The following RBM33 variants were observed in gnomAD, a reference collection of about 807,000 sequenced individuals.
RBM33 encodes RNA binding motif protein 33, also known as RNA-binding protein 33.
A neutral mutation model predicts 132.6 loss-of-function variants in RBM33; 28 were observed. The ratio of observed to expected loss-of-function variants is 0.21; its 90% confidence interval spans 0.16 to 0.29. RBM33 has a LOEUF of 0.29. Ranked by LOEUF, RBM33 falls within the 10% of genes least tolerant of loss-of-function variation. The pLI is 1.00. For missense variants in RBM33, 1,291 were observed against 1,518.5 expected (o/e 0.85, Z 2.49); for synonymous variants, 634 against 593.0 (o/e 1.07, Z -1.01).
rs759755140 is a variant in RBM33, at chr7:155,744,995, G to A, written c.2372G>A (p.Arg791His). 5 of 1,596,124 alleles carry A rather than the reference G, an allele frequency of 3.1e-6. No individual in the cohort carries two copies. Among genetic ancestry groups the A allele is most frequent in the Admixed American group, 1.8e-5 (1 of 55,212 alleles). ...GAAGATGAGGAAACAAGGTTATATC[G>A]CTTAAAGATAGAAGAACAGAAACGC... is the stretch of plus-strand genomic sequence containing the variant. ...PDEDEETRLY[R>H]LKIEEQKRLR... Residue 791 changes from arginine (R) to histidine (H), a missense_variant, in exon 14 of 18, where the codon CGC becomes CAC. This residue lies in a region of RBM33 where 841 missense variants were observed against 912.0 expected (regional missense o/e 0.92). Transcript: ENST00000401878.
chr7:155,644,971 G>A (rs545608665), intron 1 of RBM33, 52 bp downstream of exon 1: 2 of 1,408,946 alleles, frequency 1.4e-6, no homozygotes, highest in East Asian at 3.0e-5. Flanking sequence ...CGGTGGGCGG[G>A]GGTGTAGGCC....
chr7:155,655,901 A>G (rs1326160532), intron 1 of RBM33, among the ~76,000 whole-genome samples: 1 of 152,164 alleles, frequency 6.6e-6, no homozygotes, highest in Non-Finnish European at 1.5e-5. Flanking sequence ...AAAAATAAAA[A>G]TAAAAAAAGG....
intron 16 of RBM33, among the ~76,000 whole-genome samples, chr7:155,770,320 C>T (rs144270187): frequency 2.0e-5 from 3 of 152,314 alleles, no homozygotes; most frequent in East Asian, 1.9e-4. Flanking sequence ...AGGCTTCAGG[C>T]GCCCTATTTC....
intron 8 of RBM33, among the ~76,000 whole-genome samples, chr7:155,714,771 A>C (rs1307275284): frequency 6.6e-6 from 1 of 152,166 alleles, no homozygotes; most frequent in African/African-American, 2.4e-5. Flanking sequence ...AAGTTTCAGA[A>C]GTGGAGAGTA....
intron 1 of RBM33, among the ~76,000 whole-genome samples, chr7:155,655,995 C>CA: frequency 6.6e-6 from 1 of 152,208 alleles, no homozygotes; most frequent in Admixed American, 6.5e-5. Context: ...GGACAATTGA[C>CA]AGACTGTGGT....
intron 9 of RBM33, among the ~76,000 whole-genome samples, chr7:155,727,086 C>A (rs553540173): frequency 6.6e-6 from 1 of 152,306 alleles, no homozygotes; most frequent in African/African-American, 2.4e-5. Context: ...TTAACAGTGA[C>A]TGTTGTATTT....
At chr7:155,697,688 C>T (rs1267470717) in intron 5 of RBM33, among the ~76,000 whole-genome samples, 2 of 152,094 alleles carry the variant, frequency 1.3e-5, no homozygotes, top group African/African-American at 2.4e-5. Context: ...TGAGATCATA[C>T]TTTCATTTCA....
At chr7:155,698,495 A>G (rs1799863279) in intron 5 of RBM33, among the ~76,000 whole-genome samples, 1 of 152,232 alleles carries the variant, frequency 6.6e-6, no homozygotes, top group Non-Finnish European at 1.5e-5. Context: ...AATTAAGTCT[A>G]GCTTAGTGGA....
In RBM33 at chr7:155,644,781, T is replaced by C. The variant is rs7786826; in HGVS notation, c.-96T>C. 868,891 of 1,083,482 alleles carry C rather than the reference T, an allele frequency of 0.8. 349,973 individuals carry two copies. The highest frequency in any genetic ancestry group is 0.93 in the African/African-American group (56,164 of 60,360). The allele number at this position is 1,083,482 out of a possible 1,614,324, so 67.1% of individuals were successfully genotyped here. On this transcript the variant is annotated 5_prime_UTR_variant, in exon 1 of 18. Coordinates refer to ENST00000401878, the MANE Select transcript of RBM33 (RefSeq NM_053043.3). ...CTGCCTCCTGCAGCCCCCTCCCTTC[T>C]CTGTCCTCCGTCACCCGTACCCGGG... is the stretch of plus-strand genomic sequence containing the variant.
In RBM33 at chr7:155,658,384, AT is replaced by A. The variant is rs71303950; in HGVS notation, c.44-6770del. Among the ~76,000 whole-genome samples, 452 of 122,876 alleles carry A rather than the reference AT, an allele frequency of 3.7e-3. 2 individuals are homozygous for A. Among genetic ancestry groups the A allele is most frequent in the African/African-American group, 0.011 (349 of 31,494 alleles). The allele number at this position is 122,876 out of a possible 152,430, so 80.6% of individuals were successfully genotyped here. ...TCTCTAATAGGCAGCATATAGTTGG[AT>A]TTTTTTTTTTTTTTTTTTTTGAGAC... On this transcript the variant is annotated intron_variant, in intron 1 of 17. Coordinates refer to ENST00000401878, the MANE Select transcript of RBM33 (RefSeq NM_053043.3).
chr7:155,680,072 A>G (rs1799295577), intron 4 of RBM33, among the ~76,000 whole-genome samples: 1 of 152,078 alleles, frequency 6.6e-6, no homozygotes, highest in Non-Finnish European at 1.5e-5. Context: ...TAATATTTTG[A>G]TTTTCTTAAA....
In RBM33 at chr7:155,712,046, G is replaced by A. The variant is rs181838599; in HGVS notation, c.1201+591G>A. On this transcript the variant is annotated intron_variant, in intron 8 of 17. Coordinates refer to ENST00000401878, the MANE Select transcript of RBM33 (RefSeq NM_053043.3). ...TGTGTATCTCTTATTGTATAATTGA[G>A]TGGAAAGTGCTGAGAGTACAGTCTG... Among the ~76,000 whole-genome samples the A allele has an allele frequency of 5.7e-3, 869 of 152,316 alleles. 8 individuals are homozygous for A. Among genetic ancestry groups the A allele is most frequent in the Non-Finnish European group, 6.0e-3 (408 of 68,026 alleles).
At chr7:155,737,767 T>G in intron 10 of RBM33, 105 bp downstream of exon 10, 1 of 1,282,208 alleles carries the variant, frequency 7.8e-7, no homozygotes, top group Non-Finnish European at 1.1e-6. Context: ...GTTGGAGATG[T>G]TAGGAATGCC....
intron 14 of RBM33, among the ~76,000 whole-genome samples, chr7:155,758,648 G>T (rs1001590402): frequency 6.6e-6 from 1 of 151,114 alleles, no homozygotes; most frequent in African/African-American, 2.5e-5. Context: ...ACAAAAACTT[G>T]TCTTGGATAT....
chr7:155,684,436 C>A (rs901716551), intron 5 of RBM33, among the ~76,000 whole-genome samples: 1 of 152,156 alleles, frequency 6.6e-6, no homozygotes, highest in African/African-American at 2.4e-5. Context: ...AAGTTTCATA[C>A]AAAACCTGGA....
rs374634280 is a variant in RBM33 at position 155,665,218 on chromosome 7, G to A, written c.87G>A (p.Ser29=). ...TTGATAAGCCTGGCGCGGAACGGTC[G>A]TGGAGAAGAAGAGCTGCTGATGAGG... ...DQFDKPGAER[S]WRRRAADEDW... The change falls in exon 2 of 18, where the codon TCG becomes TCA. Residue 29 remains serine (S), a synonymous_variant. Transcript: ENST00000401878. The A allele has an allele frequency of 1.9e-5, 30 of 1,613,758 alleles. No individual in the cohort carries two copies. Among genetic ancestry groups the A allele is most frequent in the South Asian group, 1.1e-4 (10 of 91,084 alleles).
At chr7:155,713,183 A>T (rs1392320637) in intron 8 of RBM33, among the ~76,000 whole-genome samples, 2 of 152,180 alleles carry the variant, frequency 1.3e-5, no homozygotes, top group East Asian at 3.9e-4. Flanking sequence ...TGGGGAGATC[A>T]AAAGTTCTGT....
chr7:155,745,172 C>A lies in RBM33; in HGVS notation c.2549C>A (p.Pro850Gln). 6.2e-7 allele frequency: 1 copy of A among 1,609,796 alleles called. No homozygotes were observed. Among genetic ancestry groups the A allele is most frequent in the Non-Finnish European group, 8.5e-7 (1 of 1,177,910 alleles). ...PAEQEEQALS[P>Q]SPTNGNPLLP... ...GAGCAGGAAGAGCAGGCACTGTCAC[C>A]ATCACCCACCAACGGTAACCCACTG... Residue 850 changes from proline to glutamine, a missense_variant, in exon 14 of 18, where the codon CCA becomes CAA. This residue lies in a region of RBM33 where 841 missense variants were observed against 912.0 expected (regional missense o/e 0.92). Coordinates refer to ENST00000401878, the MANE Select transcript of RBM33 (RefSeq NM_053043.3). The surrounding 1 kb of genome is among the most constrained non-coding windows in gnomAD (Gnocchi z 4.1).
intron 9 of RBM33, among the ~76,000 whole-genome samples, chr7:155,730,101 G>A (rs902376953): frequency 2.6e-5 from 4 of 152,160 alleles, no homozygotes; most frequent in Non-Finnish European, 5.9e-5. Flanking sequence ...ATTTATGACC[G>A]CCTGTGTGCC....
Sources: gnomAD v4.1 joint callset for allele counts (sites outside exome capture counted in the v4.1 genomes callset) on GRCh38, gnomAD v4.1.1 for gene constraint, gnomAD v4.1.1 regional missense constraint, Gnocchi (gnomAD v3.1) non-coding constraint, MANE v1.5 for transcripts, NCBI Gene and HGNC (gene_info 2026-07-23, HGNC 2026-07-21) for gene names.